ROBO2: variants seen among roughly 807,000 people sequenced by gnomAD.
ROBO2 encodes the protein roundabout homolog 2.
In ROBO2, 53 loss-of-function variants were observed where a neutral mutation model predicts 160.8. The ratio of observed to expected loss-of-function variants is 0.33; its 90% confidence interval spans 0.26 to 0.41. The LOEUF is 0.41. Among genes scored for constraint, ROBO2 ranks in the 10% least tolerant of loss-of-function variants. The pLI is 1.00. For synonymous variants in ROBO2, 664 were observed against 611.7 expected, an observed-to-expected ratio of 1.09 and a Z score of -1.26; for missense variants, 1,577 against 1,722.4, an observed-to-expected ratio of 0.92 and a Z score of 1.49.
At chr3:76,471,475 G>T (rs1190025383) in intron 2 of ROBO2, among the ~76,000 whole-genome samples, 1 of 152,108 alleles carries the variant, frequency 6.6e-6, no homozygotes, top group African/African-American at 2.4e-5. Context: ...TGCCTGACAT[G>T]AAGGCTGTTC....
chr3:76,060,870 A>G (rs1239709983), intron 2 of ROBO2, among the ~76,000 whole-genome samples: 1 of 152,198 alleles, frequency 6.6e-6, no homozygotes, highest in Admixed American at 6.5e-5. Context: ...AAACTTCGCC[A>G]TCTCATGATC....
intron 5 of ROBO2, among the ~76,000 whole-genome samples, chr3:77,498,647 GCT>G (rs1371446275): frequency 6.6e-6 from 1 of 151,554 alleles, no homozygotes; most frequent in African/African-American, 2.4e-5. Flanking sequence ...ATACAAAGTG[GCT>G]CTTTCTTCTT....
intron 2 of ROBO2, among the ~76,000 whole-genome samples, chr3:77,291,849 G>A (rs2061316954): frequency 1.3e-5 from 2 of 152,016 alleles, no homozygotes; most frequent in East Asian, 1.9e-4. Flanking sequence ...GGTAAGCTGA[G>A]GCTAGATCAC....
chr3:76,964,097 A>G (rs188533577), intron 2 of ROBO2, among the ~76,000 whole-genome samples: 2 of 152,266 alleles, frequency 1.3e-5, no homozygotes, highest in Non-Finnish European at 2.9e-5. Flanking sequence ...ACAATGTGCC[A>G]TAAAGGAACT....
Position 76,882,050 on chromosome 3 carries a change from C to T in ROBO2, c.110-215964C>T, listed in dbSNP as rs200125473. ...TGTGTATGTGGGTGGCTGGGCTCAG[C>T]AGGATCACCACTGTGTCTGTTGGGT... On this transcript the variant is annotated intron_variant, in intron 2 of 26. Coordinates refer to the ROBO2 transcript ENST00000487694. Among the ~76,000 whole-genome samples, 5 of 144,314 alleles carry T rather than the reference C, an allele frequency of 3.5e-5. No homozygotes were observed. In the East Asian group the frequency reaches 1.0e-3, roughly 29 times the overall value. 94.7% of individuals were successfully genotyped at this position (144,314 alleles called of 152,430 possible).
intron 21 of ROBO2, among the ~76,000 whole-genome samples, chr3:77,614,352 A>G (rs1272264795): frequency 6.6e-6 from 1 of 152,234 alleles, no homozygotes. Flanking sequence ...TTTTTAGAGC[A>G]ATATGTTCTT....
intron 2 of ROBO2, among the ~76,000 whole-genome samples, chr3:76,579,936 C>T (rs559253114): frequency 4.6e-5 from 7 of 152,198 alleles, no homozygotes; most frequent in African/African-American, 1.7e-4. Context: ...CAACCTGATT[C>T]CCCTTTTTAG....
At chr3:76,018,657 G>A (rs1446840450) in intron 2 of ROBO2, among the ~76,000 whole-genome samples, 1 of 151,870 alleles carries the variant, frequency 6.6e-6, no homozygotes, top group Non-Finnish European at 1.5e-5. Flanking sequence ...TGTGCTTAGA[G>A]AAATATATCT....
intron 2 of ROBO2, among the ~76,000 whole-genome samples, chr3:76,854,361 C>T (rs1178516850): frequency 6.6e-6 from 1 of 151,994 alleles, no homozygotes; most frequent in Admixed American, 6.6e-5. Context: ...TGTATAGATC[C>T]AATTCCAAAA....
chr3:76,806,214 CGTGTGT>C (rs71104623), intron 2 of ROBO2, among the ~76,000 whole-genome samples: 3 of 146,168 alleles, frequency 2.1e-5, no homozygotes, highest in South Asian at 2.2e-4. Context: ...TTTCTGTGTG[CGTGTGT>C]GTGTGTGTGT....
chr3:76,680,944 G>A (rs1400314411), intron 2 of ROBO2, among the ~76,000 whole-genome samples: 1 of 151,758 alleles, frequency 6.6e-6, no homozygotes, highest in African/African-American at 2.4e-5. Flanking sequence ...GCCCAGCTAA[G>A]TTTTGTACTT....
At position 77,178,274 on chromosome 3, in the gene ROBO2, T is replaced by C. The variant is rs556698923; in HGVS notation, c.388+79934T>C. 3.3e-5 allele frequency among the ~76,000 whole-genome samples: 5 copies of C among 152,166 alleles called. No homozygotes were observed. In the South Asian group the frequency reaches 6.2e-4, roughly 19 times the overall value. ...TTATCTTACCCCTCCATTGATCGTT[T>C]TGCCCTGTAGATCTGAAGTTTCCAA... On this transcript the variant is annotated intron_variant, in intron 2 of 25. Transcript: ENST00000461745.
intron 2 of ROBO2, among the ~76,000 whole-genome samples, chr3:76,033,856 C>A (rs2067010929): frequency 6.6e-6 from 1 of 152,112 alleles, no homozygotes; most frequent in Non-Finnish European, 1.5e-5. Flanking sequence ...GGCCTGTCAC[C>A]CTCCCGTCTC....
At chr3:76,353,510 C>T (rs943500713) in intron 2 of ROBO2, among the ~76,000 whole-genome samples, 2 of 151,956 alleles carry the variant, frequency 1.3e-5, no homozygotes, top group East Asian at 1.9e-4. Context: ...CATTCAGCCA[C>T]ATCTGCTTTG....
chr3:76,167,213 T>C (rs903200997), intron 2 of ROBO2, among the ~76,000 whole-genome samples: 1 of 152,184 alleles, frequency 6.6e-6, no homozygotes, highest in African/African-American at 2.4e-5. Context: ...AGTGCTGGGA[T>C]TACAGGAGTA....
At chr3:76,698,723 T>C (rs1220404239) in intron 2 of ROBO2, among the ~76,000 whole-genome samples, 1 of 152,228 alleles carries the variant, frequency 6.6e-6, no homozygotes, top group South Asian at 2.1e-4. Flanking sequence ...TGGAGACCAC[T>C]CCAAATTATT....
chr3:76,341,214 CTT>C (rs1186187233), intron 2 of ROBO2, among the ~76,000 whole-genome samples: 4 of 151,798 alleles, frequency 2.6e-5, no homozygotes, highest in Non-Finnish European at 5.9e-5. Context: ...AAACACAAAA[CTT>C]CAAATCTCAG....
At chr3:76,624,124 G>A (rs2089438740) in intron 2 of ROBO2, among the ~76,000 whole-genome samples, 1 of 151,936 alleles carries the variant, frequency 6.6e-6, no homozygotes, top group African/African-American at 2.4e-5. Flanking sequence ...ACATAATTGT[G>A]TAAGAATTAA....
chr3:76,851,788 GTTAATA>G (rs1365017439), intron 2 of ROBO2, among the ~76,000 whole-genome samples: 1 of 147,810 alleles, frequency 6.8e-6, no homozygotes, highest in Non-Finnish European at 1.5e-5. Flanking sequence ...CTTGAATATA[GTTAATA>G]TTAAGTGAAT....
Sources: allele counts gnomAD v4.1 joint callset (sites outside exome capture counted in the v4.1 genomes callset), GRCh38; gene constraint gnomAD v4.1.1; transcripts MANE v1.5; gene names NCBI Gene and HGNC (gene_info 2026-07-23, HGNC 2026-07-21).